The following LHX8 variants were observed in gnomAD, a reference collection of about 807,000 sequenced individuals.
LHX8 encodes LIM/homeobox protein Lhx8.
In LHX8, 12 loss-of-function variants were observed where a neutral mutation model predicts 40.3. The ratio of observed to expected loss-of-function variants is 0.30; its 90% CI spans 0.19 to 0.48. The LOEUF is 0.48. Among genes scored for constraint, LHX8 ranks in the 20% least tolerant of loss-of-function variants. LHX8 has a pLI of 0.99. For missense variants in LHX8, 344 were observed against 433.7 expected, an observed-to-expected ratio of 0.79 and a Z score of 1.84; for synonymous variants, 179 against 162.0, an observed-to-expected ratio of 1.10 and a Z score of -0.80.
At chr1:75,148,559 T>C (rs757810208) in intron 6 of LHX8, 28 bp from the exon 7 acceptor site, 2 of 1,518,780 alleles carry the variant, frequency 1.3e-6, no homozygotes, top group African/African-American at 1.4e-5. Context: ...TTTTTAGCTA[T>C]TTACTACATA....
the LHX8 span, among the ~76,000 whole-genome samples, chr1:75,173,672 G>A: frequency 0.051 from 7,714 of 152,042 alleles, 213 homozygotes; most frequent in Middle Eastern, 0.095. Flanking sequence ...GTGAGCCACC[G>A]TGCCCAGCCC....
At chr1:75,160,599 T>A in intron 8 of LHX8, 1 of 563,678 alleles carries the variant, frequency 1.8e-6, no homozygotes, top group Non-Finnish European at 3.2e-6. Flanking sequence ...AATGGCAAAA[T>A]CTTGTGGCCC....
At chr1:75,175,516 G>T in the LHX8 span, among the ~76,000 whole-genome samples, 5 of 152,020 alleles carry the variant, frequency 3.3e-5, no homozygotes, top group African/African-American at 4.8e-5. Flanking sequence ...GGAGTAAGAG[G>T]TTATTGCATT....
intron 6 of LHX8, 101 bp from the exon 7 acceptor site, chr1:75,148,486 C>A: frequency 1.2e-6 from 1 of 802,390 alleles, no homozygotes; most frequent in Non-Finnish European, 2.2e-6. Context: ...CAAAAGTATC[C>A]CATGTTCTTG....
chr1:75,128,872 A>G (rs1207813695), intron 1 of LHX8, among the ~76,000 whole-genome samples: 1 of 152,110 alleles, frequency 6.6e-6, no homozygotes, highest in African/African-American at 2.4e-5. Flanking sequence ...AGGCAGCTGC[A>G]CTCATCTCTG....
chr1:75,136,539 G>A, intron 1 of LHX8, 64 bp from the exon 2 acceptor site: 1 of 1,223,754 alleles, frequency 8.2e-7, no homozygotes, highest in Non-Finnish European at 1.2e-6. Context: ...CGAGGCTGGG[G>A]CGGGCAGCAC....
chr1:75,140,935 G>T, intron 3 of LHX8, 50 bp from the exon 4 acceptor site: 1 of 1,602,896 alleles, frequency 6.2e-7, no homozygotes, highest in South Asian at 1.1e-5. Flanking sequence ...CAAAACCAAT[G>T]AATACTTTTC....
downstream of LHX8, among the ~76,000 whole-genome samples, chr1:75,166,173 G>C (rs1649032921): frequency 2.0e-5 from 3 of 152,186 alleles, no homozygotes; most frequent in African/African-American, 7.2e-5. Flanking sequence ...AGCACTTTGT[G>C]CATTTCTTTA....
At chr1:75,159,196 T>C (rs1648849428) in intron 8 of LHX8, 1 of 152,192 alleles carries the variant, frequency 6.6e-6, no homozygotes, top group Non-Finnish European at 1.5e-5. Context: ...TTTTCATTGT[T>C]TGTTTTGCAT....
the LHX8 span, among the ~76,000 whole-genome samples, chr1:75,173,841 G>A: frequency 6.6e-6 from 1 of 152,158 alleles, no homozygotes; most frequent in African/African-American, 2.4e-5. Context: ...AACTGCAAGT[G>A]TGTACTTCTT....
chr1:75,143,766 A>G (rs1648384471), intron 5 of LHX8, 79 bp from the exon 6 acceptor site: 1 of 1,069,544 alleles, frequency 9.3e-7, no homozygotes, highest in Non-Finnish European at 1.5e-6. Flanking sequence ...AAAAGCCAAG[A>G]GATATAAGAA....
At chr1:75,152,812 T>C (rs1029122974) in intron 7 of LHX8, among the ~76,000 whole-genome samples, 21 of 152,226 alleles carry the variant, frequency 1.4e-4, no homozygotes, top group Non-Finnish European at 2.5e-4. Flanking sequence ...CTCTTTTACA[T>C]CCTTTACAAT....
chr1:75,149,364 T>C (rs1045213550), intron 7 of LHX8, among the ~76,000 whole-genome samples: 1 of 152,186 alleles, frequency 6.6e-6, no homozygotes, highest in African/African-American at 2.4e-5. Flanking sequence ...AGCCATGATA[T>C]GTGATTTTAG....
At chr1:75,130,643 GT>G, upstream of LHX8, 1 of 1,321,772 alleles carries the variant, frequency 7.6e-7, no homozygotes. Context: ...GGGTAGCAAG[GT>G]ATAAAACGGA....
intron 8 of LHX8, chr1:75,160,543 C>T (rs1648889979): frequency 2.3e-6 from 1 of 429,410 alleles, no homozygotes; most frequent in Admixed American, 3.8e-5. Flanking sequence ...GTCTTTCTAG[C>T]TTCAGGGTGA....
the LHX8 span, among the ~76,000 whole-genome samples, chr1:75,179,143 A>T: frequency 6.6e-6 from 1 of 152,166 alleles, no homozygotes; most frequent in East Asian, 1.9e-4. Context: ...AAGAATGTAT[A>T]TTCTGTTGAT....
chr1:75,175,950 C>A, the LHX8 span, among the ~76,000 whole-genome samples: 2 of 152,116 alleles, frequency 1.3e-5, no homozygotes, highest in South Asian at 4.1e-4. Context: ...TGATAGTTTG[C>A]TTAGAATGAT....
At chr1:75,130,308 G>A (rs947087138), upstream of LHX8, 21 of 238,414 alleles carry the variant, frequency 8.8e-5, 1 homozygote, top group African/African-American at 4.4e-4. Context: ...AAGAAACACC[G>A]AGTCACTCGT....
chr1:75,135,068 C>T, intron 1 of LHX8, 114 bp downstream of exon 1: 1 of 325,828 alleles, frequency 3.1e-6, no homozygotes, highest in Non-Finnish European at 4.4e-6. Context: ...TTTCGTTCGG[C>T]TGCCCGCGGA....
Sources: gnomAD v4.1 joint callset for allele counts (sites outside exome capture counted in the v4.1 genomes callset) on GRCh38, gnomAD v4.1.1 for gene constraint, MANE v1.5 for transcripts, NCBI Gene and HGNC (gene_info 2026-07-23, HGNC 2026-07-21) for gene names.